Variants in CDH13 observed in about 807,000 individuals in gnomAD.
CDH13 encodes cadherin 13.
In CDH13, 24 loss-of-function variants were observed where a neutral mutation model predicts 63.8. The observed-to-expected ratio is 0.38, with a 90% CI of 0.27 to 0.53. The LOEUF is 0.53. CDH13 is among the 20% of genes least tolerant of loss of function. The pLI is 0.85. For missense variants in CDH13, 1,049 were observed against 903.1 expected, an observed-to-expected ratio of 1.16 and a Z score of -2.07; for synonymous variants, 503 against 355.3, an observed-to-expected ratio of 1.42 and a Z score of -4.67.
chr16:82,912,897 C>G (rs1415180084), intron 2 of CDH13, among the ~76,000 whole-genome samples: 2 of 150,742 alleles, frequency 1.3e-5, no homozygotes, highest in African/African-American at 4.9e-5. Flanking sequence ...GAGCCGAGAT[C>G]ACGCCACTGC....
chr16:83,416,108 A>G (rs1471538215), intron 6 of CDH13, among the ~76,000 whole-genome samples: 1 of 152,216 alleles, frequency 6.6e-6, no homozygotes, highest in Admixed American at 6.5e-5. Context: ...ACTAACACTA[A>G]CTGATCTAAA....
At chr16:83,658,485 G>T (rs75332054) in intron 8 of CDH13, among the ~76,000 whole-genome samples, 2 of 62,774 alleles carry the variant, frequency 3.2e-5, no homozygotes, top group South Asian at 5.9e-4. Flanking sequence ...ACCAGGTCCC[G>T]TATCCTCACC....
chr16:83,011,524 C>T (rs74652997), intron 2 of CDH13, among the ~76,000 whole-genome samples: 4,636 of 152,204 alleles, frequency 0.03, 100 homozygotes, highest in Non-Finnish European at 0.045. Context: ...CTTCTGGGTC[C>T]TGTGCTTGAA....
intron 5 of CDH13, among the ~76,000 whole-genome samples, chr16:83,281,889 G>C (rs192495727): frequency 6.6e-6 from 1 of 152,092 alleles, no homozygotes; most frequent in African/African-American, 2.4e-5. Context: ...TTCTAACCTC[G>C]GCAACAGAGC....
chr16:83,057,182 G>A (rs996638366), intron 3 of CDH13, among the ~76,000 whole-genome samples: 4 of 152,106 alleles, frequency 2.6e-5, no homozygotes, highest in African/African-American at 7.2e-5. Context: ...GGCCAGGATG[G>A]TCTTGATCTC....
At chr16:83,038,313 T>C (rs1917043350) in intron 3 of CDH13, among the ~76,000 whole-genome samples, 1 of 152,224 alleles carries the variant, frequency 6.6e-6, no homozygotes, top group African/African-American at 2.4e-5. Context: ...TGAGGTCTGA[T>C]TGTTAATGAC....
intron 2 of CDH13, among the ~76,000 whole-genome samples, chr16:83,011,629 G>A (rs1244635874): frequency 6.6e-6 from 1 of 152,188 alleles, no homozygotes; most frequent in Non-Finnish European, 1.5e-5. Context: ...ATATCACTGA[G>A]CAAGGTGAAT....
chr16:83,390,994 T>A (rs2091774627), intron 6 of CDH13, among the ~76,000 whole-genome samples: 1 of 152,094 alleles, frequency 6.6e-6, no homozygotes, highest in African/African-American at 2.4e-5. Context: ...TTCAGAGGAT[T>A]TAATTGCTGA....
chr16:83,582,984 G>C (rs192538813), intron 7 of CDH13, among the ~76,000 whole-genome samples: 36 of 152,260 alleles, frequency 2.4e-4, no homozygotes, highest in Non-Finnish European at 4.9e-4. Context: ...AATTTATTCA[G>C]TTTATTGACA....
intron 1 of CDH13, among the ~76,000 whole-genome samples, chr16:82,712,901 G>C (rs981943698): frequency 6.6e-6 from 1 of 152,020 alleles, no homozygotes; most frequent in Non-Finnish European, 1.5e-5. Flanking sequence ...AGCTTCATGT[G>C]GATCAGTGAT....
intron 1 of CDH13, among the ~76,000 whole-genome samples, chr16:82,779,292 A>G (rs138495875): frequency 7.0e-4 from 107 of 152,268 alleles, no homozygotes; most frequent in African/African-American, 2.3e-3. Flanking sequence ...GATAGTAGGC[A>G]GTCCAGCTTC....
chr16:82,812,663 G>A (rs2037506282), intron 1 of CDH13, among the ~76,000 whole-genome samples: 1 of 152,146 alleles, frequency 6.6e-6, no homozygotes, highest in Admixed American at 6.5e-5. Flanking sequence ...GGGAGGGGAA[G>A]AAATGGAGAT....
At chr16:83,269,848 G>C (rs974925927) in intron 5 of CDH13, among the ~76,000 whole-genome samples, 5 of 152,122 alleles carry the variant, frequency 3.3e-5, no homozygotes, top group African/African-American at 1.2e-4. Flanking sequence ...CTGCACTTTG[G>C]GGATGATCTC....
At chr16:83,709,778 G>A (rs902742286) in intron 10 of CDH13, among the ~76,000 whole-genome samples, 3 of 152,218 alleles carry the variant, frequency 2.0e-5, no homozygotes, top group African/African-American at 7.2e-5. Flanking sequence ...GTGTAATAGG[G>A]TCTGAGTATT....
intron 1 of CDH13, among the ~76,000 whole-genome samples, chr16:82,855,028 C>T (rs1477652462): frequency 1.3e-5 from 2 of 152,162 alleles, no homozygotes; most frequent in African/African-American, 2.4e-5. Flanking sequence ...CACTAAGTCA[C>T]CCATGGCCCA....
At chr16:83,387,515 A>G (rs1015173520) in intron 6 of CDH13, among the ~76,000 whole-genome samples, 3 of 152,216 alleles carry the variant, frequency 2.0e-5, no homozygotes, top group Non-Finnish European at 4.4e-5. Flanking sequence ...GGACAGTTAA[A>G]AATTTAAAGT....
intron 2 of CDH13, among the ~76,000 whole-genome samples, chr16:82,929,651 CAAAAAAAAAAAAAAAAAAAA>C (rs71146097): frequency 9.9e-4 from 44 of 44,276 alleles, no homozygotes; most frequent in Non-Finnish European, 1.0e-3. Context: ...GACTCCATCT[CAAAAAAAAAAAAAAAAAAAA>C]AAAAAAAAAA....
chr16:83,545,835 C>T (rs2075377376), intron 7 of CDH13, among the ~76,000 whole-genome samples: 1 of 152,214 alleles, frequency 6.6e-6, no homozygotes. Flanking sequence ...CAGCTTTCCT[C>T]AGCTTCCCCA....
intron 4 of CDH13, among the ~76,000 whole-genome samples, chr16:83,154,086 G>T (rs1304156535): frequency 6.6e-6 from 1 of 152,146 alleles, no homozygotes; most frequent in African/African-American, 2.4e-5. Context: ...GCTTCAGCCT[G>T]TGGCGTGTGA....
Sources: allele counts gnomAD v4.1 joint callset (sites outside exome capture counted in the v4.1 genomes callset), GRCh38; gene constraint gnomAD v4.1.1; transcripts MANE v1.5; gene names NCBI Gene and HGNC (gene_info 2026-07-23, HGNC 2026-07-21).